Variants in ZNF365 observed in about 807,000 individuals in gnomAD.
ZNF365 encodes the protein protein ZNF365.
In ZNF365, 22 loss-of-function variants were observed where a neutral mutation model predicts 35.0. The ratio of observed to expected loss-of-function variants is 0.63; its 90% CI spans 0.45 to 0.90. The LOEUF is 0.90. Among genes scored for constraint, ZNF365 ranks in the 40% least tolerant of loss-of-function variants. ZNF365 has a pLI of 0.00. For missense variants in ZNF365, 448 were observed against 500.3 expected, an observed-to-expected ratio of 0.90 and a Z score of 1.00; for synonymous variants, 188 against 196.2, an observed-to-expected ratio of 0.96 and a Z score of 0.35.
chr10:62,385,599 AT>A (rs1373715194), intron 2 of ZNF365, among the ~76,000 whole-genome samples: 1 of 152,178 alleles, frequency 6.6e-6, no homozygotes, highest in Non-Finnish European at 1.5e-5. Context: ...ACAGAGATAA[AT>A]GACAGGAAAA....
intron 3 of ZNF365, 138 bp downstream of exon 3, chr10:62,388,714 G>A: frequency 9.3e-7 from 1 of 1,074,430 alleles, no homozygotes; most frequent in South Asian, 1.7e-5. Context: ...GGCCATGCCT[G>A]TATTGTGGAA....
chr10:62,376,883 T>C lies in ZNF365; in HGVS notation c.690T>C (p.Ala230=), dbSNP rs780118156. ...RQVDVAVEMI[A]VLRQRLTESE... is the part of the protein sequence containing the mutation. Reference sequence around the variant, plus strand: ...TGGACGTGGCCGTGGAAATGATAGCTGTACTGAGGCAACGCCTGACGGAAT... The same window carrying C: ...TGGACGTGGCCGTGGAAATGATAGCCGTACTGAGGCAACGCCTGACGGAAT... Residue 230 remains alanine, a synonymous_variant, in exon 2 of 5, where the codon GCT becomes GCC. Coordinates refer to ENST00000395254, the MANE Select transcript of ZNF365 (RefSeq NM_014951.3). 2 of 1,614,114 alleles carry C rather than the reference T, an allele frequency of 1.2e-6. No individual in the cohort carries two copies. Among genetic ancestry groups the C allele is most frequent in the East Asian group, 2.2e-5 (1 of 44,888 alleles).
chr10:62,424,697 C>T (rs570694297), intron 3 of ZNF365, among the ~76,000 whole-genome samples: 7 of 152,080 alleles, frequency 4.6e-5, no homozygotes, highest in African/African-American at 1.2e-4. Context: ...TGGGAACGAC[C>T]GCTCCAAATA....
intron 4 of ZNF365, among the ~76,000 whole-genome samples, chr10:62,462,794 T>C (rs1840869275): frequency 6.6e-6 from 1 of 152,196 alleles, no homozygotes; most frequent in Admixed American, 6.5e-5. Context: ...AAAAATTTTA[T>C]GTTTCTTGAA....
At chr10:62,421,110 G>T (rs1414569605) in intron 3 of ZNF365, among the ~76,000 whole-genome samples, 2 of 151,968 alleles carry the variant, frequency 1.3e-5, no homozygotes, top group African/African-American at 4.8e-5. Context: ...GTAGCTCATT[G>T]CTTATACTGG....
chr10:62,473,736 T>C (rs1420375262), intron 4 of ZNF365, among the ~76,000 whole-genome samples: 1 of 152,166 alleles, frequency 6.6e-6, no homozygotes, highest in African/African-American at 2.4e-5. Context: ...ACTGGGGGTT[T>C]GTTAGTGTAT....
At chr10:62,431,106 G>T (rs1840327619) in intron 3 of ZNF365, among the ~76,000 whole-genome samples, 1 of 152,172 alleles carries the variant, frequency 6.6e-6, no homozygotes, top group Middle Eastern at 3.2e-3. Flanking sequence ...ACATTTCCCT[G>T]GTTGTAGTTC....
chr10:62,415,826 T>C (rs755690676), intron 3 of ZNF365, among the ~76,000 whole-genome samples: 24 of 152,138 alleles, frequency 1.6e-4, no homozygotes, highest in Non-Finnish European at 2.8e-4. Flanking sequence ...AATTGCCAAT[T>C]TGTTAAAATT....
Position 62,414,992 on chromosome 10 carries a change from T to C in ZNF365, c.924+26416T>C, listed in dbSNP as rs146058820. On this transcript the variant is annotated intron_variant, in intron 3 of 4. Transcript: ENST00000395255. ...TCACTGTCAAACTCATAATTTCAGA[T>C]GTTACATTTTTAAAATCTAAAATTT... 3.4e-4 allele frequency among the ~76,000 whole-genome samples: 52 copies of C among 152,360 alleles called. No individual in the cohort carries two copies. The East Asian group carries it at 9.8e-3, about 29-fold the overall frequency.
intron 3 of ZNF365, among the ~76,000 whole-genome samples, chr10:62,424,803 A>T (rs962890195): frequency 6.6e-6 from 1 of 152,224 alleles, no homozygotes; most frequent in Non-Finnish European, 1.5e-5. Flanking sequence ...GTATTAAAGA[A>T]TCTCAATTGT....
At chr10:62,390,307 A>G (rs541380177) in intron 3 of ZNF365, among the ~76,000 whole-genome samples, 1 of 152,288 alleles carries the variant, frequency 6.6e-6, no homozygotes, top group Admixed American at 6.5e-5. Flanking sequence ...TAACATTGAC[A>G]CTTTCATATT....
chr10:62,440,933 G>A (rs988658415), intron 3 of ZNF365, among the ~76,000 whole-genome samples: 1 of 152,142 alleles, frequency 6.6e-6, no homozygotes, highest in African/African-American at 2.4e-5. Context: ...ATGTCTTTAT[G>A]TGATGAGGCA....
chr10:62,425,700 A>T (rs1276177645), intron 3 of ZNF365, among the ~76,000 whole-genome samples: 1 of 152,016 alleles, frequency 6.6e-6, no homozygotes, highest in Non-Finnish European at 1.5e-5. Context: ...CACACTGCAC[A>T]CTCGGCATTC....
intron 3 of ZNF365, among the ~76,000 whole-genome samples, chr10:62,423,968 T>C (rs552848570): frequency 1.3e-5 from 2 of 152,318 alleles, no homozygotes; most frequent in African/African-American, 4.8e-5. Context: ...TTATACTTTC[T>C]TTTGAGACAC....
At chr10:62,454,792 C>T (rs1840736591) in intron 3 of ZNF365, among the ~76,000 whole-genome samples, 1 of 152,122 alleles carries the variant, frequency 6.6e-6, no homozygotes, top group African/African-American at 2.4e-5. Context: ...GGCAAAGATG[C>T]CACACCCTCA....
rs1839326187 is a variant in ZNF365, at chr10:62,376,295, T to C, written c.102T>C (p.His34=). The C allele has an allele frequency of 6.2e-7, 1 of 1,614,006 alleles. No homozygotes were observed. Among genetic ancestry groups the C allele is most frequent in the South Asian group, 1.1e-5 (1 of 91,082 alleles). ...LPLRCPRCGD[H]TRFRSLSSLR... ...TACGCTGCCCGAGGTGTGGAGACCATACCAGATTTAGAAGCTTGTCATCCT... is the reference window on the plus strand; with the variant it reads ...TACGCTGCCCGAGGTGTGGAGACCACACCAGATTTAGAAGCTTGTCATCCT... Residue 34 remains histidine (H), a synonymous_variant, in exon 2 of 5, where the codon CAT becomes CAC. Coordinates refer to ENST00000395254, the MANE Select transcript of ZNF365 (RefSeq NM_014951.3).
chr10:62,443,413 GA>G (rs1277544757), intron 3 of ZNF365, among the ~76,000 whole-genome samples: 1 of 152,174 alleles, frequency 6.6e-6, no homozygotes, highest in African/African-American at 2.4e-5. Flanking sequence ...AGACTGCTTA[GA>G]ATTTTACCTT....
At chr10:62,406,150 C>A (rs966923070), downstream of ZNF365, among the ~76,000 whole-genome samples, 3 of 152,174 alleles carry the variant, frequency 2.0e-5, no homozygotes, top group African/African-American at 7.2e-5. Flanking sequence ...CCACTCCAGC[C>A]AGCACCAGAC....
chr10:62,417,940 T>G (rs1840100599), intron 3 of ZNF365, among the ~76,000 whole-genome samples: 2 of 151,882 alleles, frequency 1.3e-5, no homozygotes, highest in African/African-American at 4.8e-5. Flanking sequence ...ATAAAAATAG[T>G]TAATTCTAAA....
Sources: allele counts gnomAD v4.1 joint callset (sites outside exome capture counted in the v4.1 genomes callset), GRCh38; gene constraint gnomAD v4.1.1; transcripts MANE v1.5; gene names NCBI Gene and HGNC (gene_info 2026-07-23, HGNC 2026-07-21).